NF2: variants seen among roughly 807,000 people sequenced by gnomAD.
NF2 encodes the protein NF2, moesin-ezrin-radixin like (MERLIN) tumor suppressor.
A neutral mutation model predicts 83.7 loss-of-function variants in NF2; 8 were observed. That is an observed-to-expected ratio of 0.10 (90% CI 0.06 to 0.17). The LOEUF is 0.17. NF2 is among the 10% of genes least tolerant of loss of function. The pLI is 1.00. For synonymous variants in NF2, 266 were observed against 269.6 expected, an observed-to-expected ratio of 0.99 and a Z score of 0.13; for missense variants, 533 against 744.4, an observed-to-expected ratio of 0.72 and a Z score of 3.31.
At chr22:29,683,683 C>A in intron 15 of NF2, 1 of 1,074,758 alleles carries the variant, frequency 9.3e-7, no homozygotes, top group Non-Finnish European at 1.1e-6. Context: ...CATCTGTGCT[C>A]AGCCACCTCT....
intron 4 of NF2, among the ~76,000 whole-genome samples, chr22:29,643,965 G>A (rs1355645577): frequency 7.6e-6 from 1 of 131,986 alleles, no homozygotes; most frequent in Admixed American, 7.4e-5. Flanking sequence ...GGCCTGGCGG[G>A]GGGCTGACCC....
rs1470711449 is a variant in NF2 at position 29,665,001 on chromosome 22, A to G, written c.822A>G (p.Lys274=). The G allele has an allele frequency of 6.2e-7, 1 of 1,611,566 alleles. No individual in the cohort carries two copies. The highest frequency in any genetic ancestry group is 1.7e-5 in the Admixed American group (1 of 60,008). The part of the protein sequence containing the change: ...ISYSDKEFTI[K]PLDKKIDVFK... ...CTTCATTCTTCCAGTTTACTATTAA[A>G]CCACTGGATAAGAAAATTGATGTCT... The change falls in exon 9 of 16, where the codon AAA becomes AAG. Residue 274 remains lysine, a synonymous_variant. Transcript: ENST00000338641.
intron 13 of NF2, among the ~76,000 whole-genome samples, chr22:29,675,359 C>T (rs887130387): frequency 2.0e-5 from 3 of 152,126 alleles, no homozygotes; most frequent in African/African-American, 4.8e-5. Flanking sequence ...GAATTACTGC[C>T]GTGCAAGAAC....
intron 4 of NF2, among the ~76,000 whole-genome samples, chr22:29,646,751 G>A (rs1201168265): frequency 1.3e-5 from 2 of 152,144 alleles, no homozygotes; most frequent in South Asian, 2.1e-4. Context: ...TGAATCAAAA[G>A]TGTAGGCAGG....
chr22:29,664,586 A>AAT (rs2066565519), intron 8 of NF2, among the ~76,000 whole-genome samples: 1 of 152,168 alleles, frequency 6.6e-6, no homozygotes. Flanking sequence ...GTGAAGCACT[A>AAT]ATATTTGATG....
At chr22:29,623,016 T>TC (rs1203673860) in intron 1 of NF2, among the ~76,000 whole-genome samples, 2 of 140,166 alleles carry the variant, frequency 1.4e-5, no homozygotes, top group African/African-American at 2.7e-5. Context: ...AGTGGTGCTA[T>TC]CACAGCTCAC....
At chr22:29,604,523 A>T (rs1346711013) in intron 1 of NF2, among the ~76,000 whole-genome samples, 1 of 152,224 alleles carries the variant, frequency 6.6e-6, no homozygotes, top group East Asian at 1.9e-4. Flanking sequence ...TCTGGGAAAA[A>T]AAACCCTTTG....
chr22:29,662,550 A>G (rs546744694), intron 8 of NF2, among the ~76,000 whole-genome samples: 3 of 152,364 alleles, frequency 2.0e-5, no homozygotes, highest in African/African-American at 4.8e-5. Context: ...CTCACCTGCT[A>G]TAATAAATAA....
intron 1 of NF2, among the ~76,000 whole-genome samples, chr22:29,631,579 G>T (rs1160736987): frequency 6.6e-6 from 1 of 152,184 alleles, no homozygotes; most frequent in Non-Finnish European, 1.5e-5. Context: ...TGATAGTATG[G>T]TTAGCTCAGT....
intron 15 of NF2, chr22:29,682,938 G>A (rs2067180040): frequency 1.3e-6 from 2 of 1,538,500 alleles, no homozygotes; most frequent in Admixed American, 1.7e-5. Context: ...GCCTATCCAA[G>A]CATTTTGCAG....
At chr22:29,612,842 TC>T (rs200717154) in intron 1 of NF2, among the ~76,000 whole-genome samples, 2,131 of 151,038 alleles carry the variant, frequency 0.014, 55 homozygotes, top group African/African-American at 0.05. Context: ...ATGCCTGTAA[TC>T]CCAGCACTTT....
At chr22:29,654,569 G>A (rs2066243807) in intron 4 of NF2, 88 bp from the exon 5 acceptor site, 1 of 1,092,468 alleles carries the variant, frequency 9.2e-7, no homozygotes, top group African/African-American at 1.5e-5. Flanking sequence ...CCCTGGAGCT[G>A]GGAGGGAATG....
Position 29,674,863 on chromosome 22 carries a change from G to A in NF2, c.1368G>A (p.Gln456=). The A allele has an allele frequency of 1.3e-6, 2 of 1,565,248 alleles. No individual in the cohort carries two copies. ...RRAKEADQLK[Q]DLQEAREAER... ...CCAAAGAGGCAGATCAGCTGAAGCA[G>A]GACCTGCAGGAAGCACGCGAGGCGG... Residue 456 remains glutamine (Q), a synonymous_variant, in exon 13 of 16, where the codon CAG becomes CAA. Coordinates refer to ENST00000338641, the MANE Select transcript of NF2 (RefSeq NM_000268.4).
intron 6 of NF2, among the ~76,000 whole-genome samples, chr22:29,657,857 G>A (rs1419201175): frequency 2.6e-5 from 4 of 152,172 alleles, no homozygotes; most frequent in Non-Finnish European, 5.9e-5. Flanking sequence ...CTGTTTGAGG[G>A]TAGAAGATAA....
intron 10 of NF2, among the ~76,000 whole-genome samples, chr22:29,670,503 TTGTG>T (rs131255): frequency 0.1 from 15,359 of 146,346 alleles, 1,122 homozygotes; most frequent in East Asian, 0.41. Context: ...CTTTTTGAGC[TTGTG>T]TGTGTGTGTG....
chr22:29,677,276 T>C (rs2147103657), intron 13 of NF2, among the ~76,000 whole-genome samples: 1 of 152,182 alleles, frequency 6.6e-6, no homozygotes, highest in Admixed American at 6.5e-5. Context: ...TGGGAGGGGC[T>C]AGAAAGGCTT....
chr22:29,679,673 C>G (rs996501001), intron 14 of NF2, among the ~76,000 whole-genome samples: 62 of 152,040 alleles, frequency 4.1e-4, no homozygotes, highest in African/African-American at 1.4e-3. Context: ...CAAGACCAGC[C>G]TGGGCAACAT....
rs1023233490 is a variant in NF2 at position 29,696,074 on chromosome 22, T to C, written c.*1272T>C. On this transcript the variant is annotated 3_prime_UTR_variant, in exon 16 of 16. Transcript: ENST00000338641. ...CCACCTTCTTGCCCTTTCTTTTTTTTTTTTTTTTTTTTTTTCCGAGATGGA... is the reference window on the plus strand; with the variant it reads ...CCACCTTCTTGCCCTTTCTTTTTTTCTTTTTTTTTTTTTTTCCGAGATGGA... 5.3e-5 allele frequency: 12 copies of C among 225,462 alleles called. No individual in the cohort carries two copies. Among genetic ancestry groups the C allele is most frequent in the Middle Eastern group, 1.3e-3 (1 of 788 alleles). 14.0% of individuals were successfully genotyped at this position (225,462 alleles called of 1,614,324 possible).
intron 4 of NF2, among the ~76,000 whole-genome samples, chr22:29,642,668 G>A (rs1245059362): frequency 6.6e-6 from 1 of 151,002 alleles, no homozygotes; most frequent in African/African-American, 2.4e-5. Flanking sequence ...ACTCAACCAT[G>A]TGGTACAACC....
Sources: gnomAD v4.1 joint callset for allele counts (sites outside exome capture counted in the v4.1 genomes callset) on GRCh38, gnomAD v4.1.1 for gene constraint, MANE v1.5 for transcripts, NCBI Gene and HGNC (gene_info 2026-07-23, HGNC 2026-07-21) for gene names.